The following KCND2 variants were observed in gnomAD, a reference collection of about 807,000 sequenced individuals.
KCND2 encodes the protein A-type voltage-gated potassium channel KCND2.
Under a neutral mutation model 54.4 loss-of-function variants are expected in KCND2, and 16 were observed. The ratio of observed to expected loss-of-function variants is 0.29; its 90% CI spans 0.20 to 0.45. The LOEUF is 0.45. Ranked by LOEUF, KCND2 falls within the 20% of genes least tolerant of loss-of-function variation. The probability of loss-of-function intolerance (pLI) is 1.00; values close to 1 mark genes in which losing one functional copy is unlikely to be tolerated. For synonymous variants in KCND2, 317 were observed against 310.7 expected, an observed-to-expected ratio of 1.02 and a Z score of -0.21; for missense variants, 486 against 824.2, an observed-to-expected ratio of 0.59 and a Z score of 5.02.
chr7:120,410,861 A>G (rs1017894284), intron 1 of KCND2, among the ~76,000 whole-genome samples: 5 of 151,614 alleles, frequency 3.3e-5, no homozygotes, highest in African/African-American at 9.7e-5. Flanking sequence ...CCATGTCCCT[A>G]CAGAGGACAT....
chr7:120,352,470 AC>A lies in KCND2; in HGVS notation c.1115+76724del, dbSNP rs1563019097. On this transcript the variant is annotated intron_variant, in intron 1 of 5. Coordinates refer to ENST00000331113, the MANE Select transcript of KCND2 (RefSeq NM_012281.3). The stretch of plus-strand genomic sequence containing the variant: ...TATACACACATACATACACACACAC[AC>A]ACACACACACACACACACACACACA... Among the ~76,000 whole-genome samples, 281 of 142,938 alleles carry A rather than the reference AC, an allele frequency of 2.0e-3. 1 individual carries two copies. The highest frequency in any genetic ancestry group is 2.1e-3 in the Non-Finnish European group (131 of 61,910). 93.8% of individuals were successfully genotyped at this position (142,938 alleles called of 152,430 possible).
chr7:120,689,434 C>A (rs558161409), intron 1 of KCND2, among the ~76,000 whole-genome samples: 2 of 152,166 alleles, frequency 1.3e-5, no homozygotes, highest in African/African-American at 4.8e-5. Flanking sequence ...TCTCAATAAT[C>A]TGATTTCATA....
At chr7:120,747,503 T>G (rs942327479) in intron 5 of KCND2, among the ~76,000 whole-genome samples, 178 bp from the exon 6 acceptor site, 3 of 152,146 alleles carry the variant, frequency 2.0e-5, no homozygotes, top group Admixed American at 6.6e-5. Flanking sequence ...TATTTAATGT[T>G]AATTACTATG....
chr7:120,288,169 T>G (rs981586144), intron 1 of KCND2, among the ~76,000 whole-genome samples: 1 of 152,114 alleles, frequency 6.6e-6, no homozygotes, highest in Admixed American at 6.6e-5. Context: ...AGGCAGAAGA[T>G]AATCGACCAA....
intron 1 of KCND2, among the ~76,000 whole-genome samples, chr7:120,363,024 A>C (rs1403495419): frequency 6.6e-6 from 1 of 152,010 alleles, no homozygotes; most frequent in African/African-American, 2.4e-5. Context: ...GAAGTCAGGC[A>C]GGGTGTCGTG....
chr7:120,490,237 C>CA (rs5886990), intron 1 of KCND2, among the ~76,000 whole-genome samples: 42,414 of 151,946 alleles, frequency 0.28, 8,655 homozygotes, highest in African/African-American at 0.56. Context: ...TGATATTTAG[C>CA]GTTCTTTCAG....
intron 1 of KCND2, among the ~76,000 whole-genome samples, chr7:120,591,011 C>T (rs1792664982): frequency 6.6e-6 from 1 of 152,018 alleles, no homozygotes; most frequent in Non-Finnish European, 1.5e-5. Flanking sequence ...TCTGTGTTAA[C>T]CTTATTCTGG....
chr7:120,673,815 A>C (rs1792023779), intron 1 of KCND2, among the ~76,000 whole-genome samples: 1 of 152,176 alleles, frequency 6.6e-6, no homozygotes, highest in Non-Finnish European at 1.5e-5. Context: ...TCTATAGTCC[A>C]GGCATCCTGA....
At chr7:120,304,303 A>G (rs1799621536) in intron 1 of KCND2, among the ~76,000 whole-genome samples, 1 of 152,172 alleles carries the variant, frequency 6.6e-6, no homozygotes, top group South Asian at 2.1e-4. Context: ...TTTTGAAACT[A>G]AAGAATATAC....
At chr7:120,666,077 G>A (rs1442456145) in intron 1 of KCND2, among the ~76,000 whole-genome samples, 1 of 152,026 alleles carries the variant, frequency 6.6e-6, no homozygotes, top group Non-Finnish European at 1.5e-5. Flanking sequence ...ACTTTATTTT[G>A]AAAGATCAAG....
intron 2 of KCND2, among the ~76,000 whole-genome samples, chr7:120,737,706 A>G (rs1792892209): frequency 6.6e-6 from 1 of 152,054 alleles, no homozygotes. Context: ...TTACTATGTT[A>G]CCTCAAACTG....
intron 1 of KCND2, among the ~76,000 whole-genome samples, chr7:120,604,723 C>G (rs1200916590): frequency 6.6e-6 from 1 of 151,760 alleles, no homozygotes; most frequent in Non-Finnish European, 1.5e-5. Context: ...ATTGTGGAAA[C>G]AGACTGAATA....
intron 1 of KCND2, among the ~76,000 whole-genome samples, chr7:120,606,479 A>G (rs1291298972): frequency 6.6e-6 from 1 of 152,070 alleles, no homozygotes; most frequent in Non-Finnish European, 1.5e-5. Flanking sequence ...AGTTGCACCT[A>G]TATTTTCTTC....
intron 1 of KCND2, among the ~76,000 whole-genome samples, chr7:120,287,249 TATACATAATTATCAAA>T (rs1799359111): frequency 6.6e-6 from 1 of 152,042 alleles, no homozygotes; most frequent in Non-Finnish European, 1.5e-5. Flanking sequence ...TCGTAAGAAA[TATACATAATTATCAAA>T]ATACATAACT....
chr7:120,280,068 AAGGT>A (rs1799239708), intron 1 of KCND2, among the ~76,000 whole-genome samples: 1 of 152,054 alleles, frequency 6.6e-6, no homozygotes, highest in African/African-American at 2.4e-5. Flanking sequence ...AACTCTTTAA[AAGGT>A]AGGAAGTACC....
intron 1 of KCND2, among the ~76,000 whole-genome samples, chr7:120,647,780 C>T (rs1029644858): frequency 6.6e-6 from 1 of 152,182 alleles, no homozygotes; most frequent in African/African-American, 2.4e-5. Context: ...AGTATGCAGG[C>T]ATACTGTGTA....
intron 1 of KCND2, among the ~76,000 whole-genome samples, chr7:120,681,464 C>T (rs1378303631): frequency 6.6e-6 from 1 of 151,870 alleles, no homozygotes; most frequent in African/African-American, 2.4e-5. Context: ...AATTTTTTAC[C>T]TTTGCCAACA....
At chr7:120,345,176 GA>G (rs1173215994) in intron 1 of KCND2, among the ~76,000 whole-genome samples, 1 of 152,118 alleles carries the variant, frequency 6.6e-6, no homozygotes, top group Non-Finnish European at 1.5e-5. Context: ...TTCCTTCAGA[GA>G]GCCAAAACAA....
In KCND2 at chr7:120,702,023, C is replaced by T. The variant is rs529049283; in HGVS notation, c.1116-30880C>T. Among the ~76,000 whole-genome samples, 6 of 152,120 alleles carry T rather than the reference C, an allele frequency of 3.9e-5. No homozygotes were observed. In the East Asian group the frequency reaches 1.2e-3, roughly 29 times the overall value. Reference sequence around the variant, plus strand: ...ATCAACAGAGTAAACAAACACTCCACAGAATGAAAGAACATTTTCAAAAAC... The same window carrying T: ...ATCAACAGAGTAAACAAACACTCCATAGAATGAAAGAACATTTTCAAAAAC... On this transcript the variant is annotated intron_variant, in intron 1 of 5. Transcript: ENST00000331113.
Sources: gnomAD v4.1 joint callset for allele counts (sites outside exome capture counted in the v4.1 genomes callset) on GRCh38, gnomAD v4.1.1 for gene constraint, MANE v1.5 for transcripts, NCBI Gene and HGNC (gene_info 2026-07-23, HGNC 2026-07-21) for gene names.